XKR6: variants seen among roughly 807,000 people sequenced by gnomAD.
XKR6 encodes the protein XK related 6, also known as XK-related protein 6.
XKR6 carries 22 observed loss-of-function variants against 56.7 expected under a neutral mutation model. The ratio of observed to expected loss-of-function variants is 0.39; its 90% CI spans 0.28 to 0.55. The LOEUF (loss-of-function observed/expected upper bound fraction) is 0.55, where lower values mean the gene tolerates loss of function less well. Among genes scored for constraint, XKR6 ranks in the 20% least tolerant of loss-of-function variants. XKR6 has a pLI of 0.66. For synonymous variants in XKR6, 524 were observed against 387.8 expected (o/e 1.35, Z -4.13); for missense variants, 852 against 889.0 (o/e 0.96, Z 0.53).
chr8:11,112,523 T>A (rs890703843), intron 1 of XKR6, among the ~76,000 whole-genome samples: 4 of 152,202 alleles, frequency 2.6e-5, no homozygotes, highest in African/African-American at 9.7e-5. Flanking sequence ...GCTGTATGAA[T>A]AAAACATTTA....
chr8:11,161,125 C>A (rs576097041), intron 1 of XKR6, among the ~76,000 whole-genome samples: 1 of 152,106 alleles, frequency 6.6e-6, no homozygotes, highest in Admixed American at 6.5e-5. Flanking sequence ...AAACTGCCAA[C>A]AGGAACTGAT....
At chr8:10,982,455 C>T (rs191506884) in intron 1 of XKR6, among the ~76,000 whole-genome samples, 6 of 152,338 alleles carry the variant, frequency 3.9e-5, no homozygotes, top group Non-Finnish European at 8.8e-5. Flanking sequence ...TCTTTAACAG[C>T]AGCTTCCTCC....
intron 1 of XKR6, among the ~76,000 whole-genome samples, chr8:10,926,374 C>A (rs1800884836): frequency 6.6e-6 from 1 of 152,192 alleles, no homozygotes; most frequent in African/African-American, 2.4e-5. Context: ...GCAGTAAGCC[C>A]CGCTCACCAA....
intron 1 of XKR6, among the ~76,000 whole-genome samples, chr8:11,050,389 A>G (rs887050989): frequency 6.6e-6 from 1 of 151,994 alleles, no homozygotes. Context: ...AAATAAGGGG[A>G]TGGGCCTGGA....
At chr8:11,002,719 A>G (rs1436141492) in intron 1 of XKR6, among the ~76,000 whole-genome samples, 1 of 152,226 alleles carries the variant, frequency 6.6e-6, no homozygotes, top group Non-Finnish European at 1.5e-5. Context: ...GGCCCCAAGC[A>G]TTGTCTTCTT....
chr8:10,963,565 C>G (rs573376285), intron 1 of XKR6, among the ~76,000 whole-genome samples: 1 of 149,060 alleles, frequency 6.7e-6, no homozygotes, highest in Non-Finnish European at 1.5e-5. Context: ...TTTTTGAGAT[C>G]GAGTCTCACT....
At chr8:10,948,474 C>T (rs1801615631) in intron 1 of XKR6, among the ~76,000 whole-genome samples, 1 of 152,082 alleles carries the variant, frequency 6.6e-6, no homozygotes, top group African/African-American at 2.4e-5. Context: ...CCCTCTGTTT[C>T]CTTATGAGTG....
intron 1 of XKR6, among the ~76,000 whole-genome samples, chr8:11,153,257 T>G (rs925276272): frequency 6.6e-6 from 1 of 152,114 alleles, no homozygotes; most frequent in African/African-American, 2.4e-5. Context: ...ATAAACCAAT[T>G]TACTGGGTCA....
At chr8:10,926,322 G>A (rs767411771) in intron 1 of XKR6, among the ~76,000 whole-genome samples, 3 of 152,144 alleles carry the variant, frequency 2.0e-5, no homozygotes, top group Non-Finnish European at 4.4e-5. Flanking sequence ...TCTTCACGCC[G>A]CTACTAAGCC....
intron 1 of XKR6, among the ~76,000 whole-genome samples, chr8:10,992,686 C>T (rs185028995): frequency 2.6e-5 from 4 of 152,246 alleles, no homozygotes; most frequent in African/African-American, 9.6e-5. Flanking sequence ...TTGAACAATT[C>T]CCTGACCTCT....
At chr8:11,186,717 A>G (rs1803294783) in intron 1 of XKR6, among the ~76,000 whole-genome samples, 1 of 152,142 alleles carries the variant, frequency 6.6e-6, no homozygotes, top group African/African-American at 2.4e-5. Flanking sequence ...TACTTTCTCT[A>G]TACTTTCTTT....
chr8:11,085,616 T>C (rs911770003), intron 1 of XKR6, among the ~76,000 whole-genome samples: 1 of 152,150 alleles, frequency 6.6e-6, no homozygotes. Context: ...GATTATTCAC[T>C]GGGGTGCCCA....
intron 2 of XKR6, among the ~76,000 whole-genome samples, chr8:10,900,967 G>A (rs867427594): frequency 3.1e-4 from 45 of 147,462 alleles, no homozygotes; most frequent in African/African-American, 9.8e-4. Context: ...TGATCCTCCC[G>A]TCTCCCATAC....
In XKR6 at chr8:11,083,138, G is replaced by C. The variant is rs1196167909; in HGVS notation, c.764+117438C>G. On this transcript the variant is annotated intron_variant, in intron 1 of 2. Coordinates refer to ENST00000416569, the MANE Select transcript of XKR6 (RefSeq NM_173683.4). ...CTCCAAGCCTCCCTCTCCGAGTCTC[G>C]GCAGCCAGTGGGAGCCCAGCACTTC... is the stretch of plus-strand genomic sequence containing the variant. 2.6e-5 allele frequency among the ~76,000 whole-genome samples: 4 copies of C among 152,064 alleles called. No homozygotes were observed. The South Asian group carries it at 8.3e-4, about 32-fold the overall frequency.
intron 1 of XKR6, among the ~76,000 whole-genome samples, chr8:11,163,413 T>C (rs947153283): frequency 2.0e-5 from 3 of 152,196 alleles, no homozygotes; most frequent in Non-Finnish European, 4.4e-5. Flanking sequence ...GTCACCATTA[T>C]CATTTCCCAA....
intron 1 of XKR6, among the ~76,000 whole-genome samples, chr8:11,027,803 G>A (rs373383481): frequency 2.0e-5 from 3 of 152,118 alleles, no homozygotes; most frequent in African/African-American, 7.2e-5. Flanking sequence ...TGTATCACAC[G>A]TCTTAAAAAT....
At chr8:11,129,705 T>C (rs1402280225) in intron 1 of XKR6, among the ~76,000 whole-genome samples, 3 of 152,214 alleles carry the variant, frequency 2.0e-5, no homozygotes, top group Non-Finnish European at 2.9e-5. Flanking sequence ...AAATCTATAA[T>C]TTAAGGATTT....
At chr8:11,133,245 A>G (rs1176957139) in intron 1 of XKR6, among the ~76,000 whole-genome samples, 1 of 152,148 alleles carries the variant, frequency 6.6e-6, no homozygotes, top group Admixed American at 6.5e-5. Flanking sequence ...GTAACCAGCT[A>G]GAATCACAGG....
At chr8:11,151,604 G>A (rs906211778) in intron 1 of XKR6, among the ~76,000 whole-genome samples, 2 of 152,076 alleles carry the variant, frequency 1.3e-5, no homozygotes, top group Non-Finnish European at 2.9e-5. Context: ...CAACGGCGCA[G>A]TCTGGAAGCC....
Sources: gnomAD v4.1 joint callset for allele counts (sites outside exome capture counted in the v4.1 genomes callset) on GRCh38, gnomAD v4.1.1 for gene constraint, MANE v1.5 for transcripts, NCBI Gene and HGNC (gene_info 2026-07-23, HGNC 2026-07-21) for gene names.